The following PRCP variants were observed in gnomAD, a reference collection of about 807,000 sequenced individuals.
The protein encoded by PRCP is prolylcarboxypeptidase.
In PRCP, 46 loss-of-function variants were observed where a neutral mutation model predicts 54.2. The ratio of observed to expected loss-of-function variants is 0.85; its 90% CI spans 0.67 to 1.09. PRCP has a LOEUF of 1.09. Among genes scored for constraint, PRCP ranks in the 50% least tolerant of loss-of-function variants. The pLI is 0.00. For missense variants in PRCP, 613 were observed against 596.8 expected (o/e 1.03, Z -0.28); for synonymous variants, 240 against 212.2 (o/e 1.13, Z -1.14).
intron 8 of PRCP, among the ~76,000 whole-genome samples, chr11:82,834,470 G>A (rs575062204): frequency 7.2e-5 from 11 of 152,282 alleles, no homozygotes; most frequent in South Asian, 4.1e-4. Flanking sequence ...GGAATACAAC[G>A]TAAGGAAATT....
At chr11:82,870,057 C>T (rs1406600420) in intron 1 of PRCP, among the ~76,000 whole-genome samples, 2 of 152,166 alleles carry the variant, frequency 1.3e-5, no homozygotes. Context: ...AAGCATATTA[C>T]CTAAAATATA....
At chr11:82,840,540 A>G (rs2121102975) in intron 6 of PRCP, 1 of 152,320 alleles carries the variant, frequency 6.6e-6, no homozygotes. Context: ...CAAATATAAT[A>G]AAATATTATT....
chr11:82,897,896 CAG>C (rs1860154712), intron 1 of PRCP, among the ~76,000 whole-genome samples: 1 of 152,080 alleles, frequency 6.6e-6, no homozygotes, highest in Admixed American at 6.6e-5. Flanking sequence ...GTCACTGGGG[CAG>C]ATATAACCAC....
At chr11:82,836,698 G>A (rs914345980) in intron 8 of PRCP, among the ~76,000 whole-genome samples, 8 of 152,098 alleles carry the variant, frequency 5.3e-5, no homozygotes, top group African/African-American at 1.9e-4. Flanking sequence ...GCAGGTACAT[G>A]CCACCATGCC....
intron 1 of PRCP, among the ~76,000 whole-genome samples, chr11:82,873,133 G>A (rs1238746412): frequency 1.3e-5 from 2 of 151,414 alleles, no homozygotes; most frequent in Non-Finnish European, 2.9e-5. Context: ...GGTTCACATG[G>A]CACATGATTA....
chr11:82,867,185 G>A (rs933903675), intron 1 of PRCP, among the ~76,000 whole-genome samples: 3 of 152,124 alleles, frequency 2.0e-5, no homozygotes, highest in African/African-American at 7.2e-5. Flanking sequence ...TTCAATAATG[G>A]TATAAATAAA....
At chr11:82,865,066 C>T (rs1591058342) in intron 1 of PRCP, among the ~76,000 whole-genome samples, 1 of 152,144 alleles carries the variant, frequency 6.6e-6, no homozygotes, top group Admixed American at 6.5e-5. Context: ...TTCACCATCT[C>T]GGCAGTTACC....
intron 1 of PRCP, among the ~76,000 whole-genome samples, chr11:82,862,602 C>T (rs568276935): frequency 1.3e-5 from 2 of 152,284 alleles, no homozygotes; most frequent in Non-Finnish European, 2.9e-5. Flanking sequence ...ACACAGTTCC[C>T]ATTCATACCA....
chr11:82,846,938 C>T (rs1272290553), intron 6 of PRCP, among the ~76,000 whole-genome samples: 2 of 152,164 alleles, frequency 1.3e-5, no homozygotes, highest in Non-Finnish European at 2.9e-5. Flanking sequence ...AAGTACAAAC[C>T]CCAGGCCAAA....
At chr11:82,827,040 T>C (rs1430902300) in intron 8 of PRCP, 1 of 152,234 alleles carries the variant, frequency 6.6e-6, no homozygotes, top group African/African-American at 2.4e-5. Flanking sequence ...ACTCTTGGCA[T>C]ATCTTTACCC....
At chr11:82,886,541 C>T (rs1390532578) in intron 1 of PRCP, among the ~76,000 whole-genome samples, 1 of 152,162 alleles carries the variant, frequency 6.6e-6, no homozygotes. Context: ...ACCTCAGCCT[C>T]TCAAAGTGCT....
chr11:82,867,755 C>T (rs1176215263), intron 1 of PRCP, among the ~76,000 whole-genome samples: 1 of 152,120 alleles, frequency 6.6e-6, no homozygotes, highest in East Asian at 1.9e-4. Flanking sequence ...CGGGGTCTCC[C>T]CTCTGTAGCC....
At position 82,870,490 on chromosome 11, in the gene PRCP, A is replaced by G. The variant is rs538480749; in HGVS notation, c.169-10373T>C. Among the ~76,000 whole-genome samples the G allele has an allele frequency of 5.6e-4, 85 of 152,338 alleles. 2 individuals are homozygous for G. The highest frequency in any genetic ancestry group is 9.1e-4 in the Admixed American group (14 of 15,302). Reference sequence around the variant, plus strand: ...CTCCACTGGGAAACAGATGGATGCAAGAGTTATCTTTCTAATTACCGAGGG... The same window carrying G: ...CTCCACTGGGAAACAGATGGATGCAGGAGTTATCTTTCTAATTACCGAGGG... On this transcript the variant is annotated intron_variant, in intron 1 of 8. Coordinates refer to ENST00000313010, the MANE Select transcript of PRCP (RefSeq NM_005040.4).
Position 82,900,327 on chromosome 11 carries a change from AGGCC to A in PRCP, c.72_75del (p.Ala25Ter). Reference sequence around the variant, plus strand: ...AAGTGTAGGCTGCCGAGGGCCCTTAAGGCCGGCCGGAGGGCTATGGTGGCCCAGG... The same window carrying A: ...AAGTGTAGGCTGCCGAGGGCCCTTAAGGCCGGAGGGCTATGGTGGCCCAGG... On this transcript the variant is annotated frameshift_variant, in exon 1 of 9. Coordinates refer to ENST00000313010, the MANE Select transcript of PRCP (RefSeq NM_005040.4). LOFTEE classifies it high-confidence loss of function. 1 of 1,614,220 alleles carries A rather than the reference AGGCC, an allele frequency of 6.2e-7. No individual in the cohort carries two copies. The highest frequency in any genetic ancestry group is 1.3e-5 in the African/African-American group (1 of 75,068).
intron 8 of PRCP, among the ~76,000 whole-genome samples, chr11:82,834,737 T>C (rs530965805): frequency 1.2e-4 from 19 of 152,160 alleles, no homozygotes; most frequent in African/African-American, 4.6e-4. Context: ...CAACACACAC[T>C]GGGGCCTGTC....
chr11:82,835,955 G>C (rs1398136878), intron 8 of PRCP: 1 of 300,838 alleles, frequency 3.3e-6, no homozygotes, highest in African/African-American at 2.2e-5. Context: ...CAATTTGGGA[G>C]GCCGAGTCAG....
chr11:82,884,843 T>C (rs774652298), intron 1 of PRCP: 2 of 1,613,606 alleles, frequency 1.2e-6, no homozygotes, highest in South Asian at 2.2e-5. Context: ...TTGTAATGAT[T>C]TAGTTGGATA....
chr11:82,848,944 G>A, intron 6 of PRCP, 105 bp downstream of exon 6: 1 of 1,170,982 alleles, frequency 8.5e-7, no homozygotes, highest in East Asian at 2.5e-5. Context: ...ACAAACTCTG[G>A]AGCCCCTTTG....
intron 6 of PRCP, 130 bp from the exon 7 acceptor site, chr11:82,839,555 T>A: frequency 2.0e-6 from 2 of 981,182 alleles, no homozygotes; most frequent in Non-Finnish European, 3.0e-6. Flanking sequence ...CTGCAGTGTT[T>A]AATTTCTCTC....
Sources: gnomAD v4.1 joint callset for allele counts (sites outside exome capture counted in the v4.1 genomes callset) on GRCh38, gnomAD v4.1.1 for gene constraint, MANE v1.5 for transcripts, NCBI Gene and HGNC (gene_info 2026-07-23, HGNC 2026-07-21) for gene names.